ZNF827: variants seen among roughly 807,000 people sequenced by gnomAD.
ZNF827 encodes zinc finger protein 827.
ZNF827 carries 13 observed loss-of-function variants against 102.4 expected under a neutral mutation model. The ratio of observed to expected loss-of-function variants is 0.13; its 90% CI spans 0.08 to 0.20. The LOEUF is 0.20. Ranked by LOEUF, ZNF827 falls within the 10% of genes least tolerant of loss-of-function variation. ZNF827 has a pLI of 1.00. For synonymous variants in ZNF827, 523 were observed against 536.2 expected, an observed-to-expected ratio of 0.98 and a Z score of 0.34; for missense variants, 1,103 against 1,344.4, an observed-to-expected ratio of 0.82 and a Z score of 2.81.
chr4:145,842,384 G>A (rs540666223), intron 7 of ZNF827, among the ~76,000 whole-genome samples: 1 of 152,294 alleles, frequency 6.6e-6, no homozygotes, highest in African/African-American at 2.4e-5. Context: ...GCACACATCC[G>A]TGGACTTCGT....
chr4:145,854,341 G>A (rs1408163825), intron 5 of ZNF827, among the ~76,000 whole-genome samples: 3 of 151,910 alleles, frequency 2.0e-5, no homozygotes, highest in Admixed American at 2.0e-4. Flanking sequence ...ACAGAGTGAG[G>A]TCTGCAAAAG....
Position 145,903,058 on chromosome 4 carries a change from C to G in ZNF827, c.201G>C (p.Pro67=). The change falls in exon 2 of 15, where the codon CCG becomes CCC. Residue 67 remains proline (P), a synonymous_variant. Transcript: ENST00000508784. ...EDRIQEQSTS[P]DTSLGSTTPS... is the part of the protein sequence containing the mutation. The stretch of plus-strand genomic sequence containing the variant: ...GAGTCGTGCTTCCCAAGGAGGTGTC[C>G]GGGGACGTGGACTGCTCCTGGATCC... The G allele has an allele frequency of 6.2e-7, 1 of 1,614,150 alleles. No individual in the cohort carries two copies. Among genetic ancestry groups the G allele is most frequent in the Non-Finnish European group, 8.5e-7 (1 of 1,180,026 alleles).
intron 2 of ZNF827, among the ~76,000 whole-genome samples, chr4:145,897,507 G>A (rs570065100): frequency 3.3e-5 from 5 of 152,172 alleles, no homozygotes; most frequent in African/African-American, 7.2e-5. Flanking sequence ...TAACATTACC[G>A]GTACACATCT....
chr4:145,829,316 A>G (rs1274798371), intron 7 of ZNF827, among the ~76,000 whole-genome samples: 5 of 152,196 alleles, frequency 3.3e-5, no homozygotes, highest in South Asian at 2.1e-4. Context: ...TATTAAATGT[A>G]AGAGTTTCTG....
intron 2 of ZNF827, among the ~76,000 whole-genome samples, chr4:145,894,463 C>T (rs1750827491): frequency 6.6e-6 from 1 of 152,090 alleles, no homozygotes; most frequent in Non-Finnish European, 1.5e-5. Context: ...CAAGAGTATA[C>T]TTTAAAATAA....
chr4:145,936,239 C>G (rs762645323), intron 1 of ZNF827, among the ~76,000 whole-genome samples: 2 of 152,054 alleles, frequency 1.3e-5, no homozygotes, highest in Non-Finnish European at 2.9e-5. Flanking sequence ...GCACACTCTT[C>G]CACCAACTGC....
At position 145,843,686 on chromosome 4, in the gene ZNF827, C is replaced by A. The variant is rs1579349186; in HGVS notation, c.2279+2270G>T. Among the ~76,000 whole-genome samples the A allele has an allele frequency of 2.0e-5, 3 of 152,300 alleles. No individual in the cohort carries two copies. In the East Asian group the frequency reaches 5.8e-4, roughly 29 times the overall value. On this transcript the variant is annotated intron_variant, in intron 7 of 14. Transcript: ENST00000508784. ...GCTAGTGGGGTCCTGCCCAGATCCT[C>A]CCTCTGGCACGAATGCACCTACCCC...
At chr4:145,872,396 C>T (rs539737948) in intron 4 of ZNF827, among the ~76,000 whole-genome samples, 16 of 152,160 alleles carry the variant, frequency 1.1e-4, no homozygotes, top group South Asian at 4.2e-4. Flanking sequence ...AGAAGGCGGC[C>T]GTCTGCAAAA....
At chr4:145,836,888 G>A (rs6847076) in intron 7 of ZNF827, among the ~76,000 whole-genome samples, 76,357 of 151,018 alleles carry the variant, frequency 0.51, 19,657 homozygotes, top group East Asian at 0.71. Flanking sequence ...CTGCTATTCT[G>A]CTACTCCTCA....
At position 145,760,827 on chromosome 4, in the gene ZNF827, G is replaced by A; in HGVS notation, c.*789C>T. ...TCAGTCCGAGATAGGCCAGGAAGGA[G>A]TGTTTGGGTGAGGGGATGCTGGGAG... On this transcript the variant is annotated 3_prime_UTR_variant, in exon 15 of 15. Coordinates refer to ENST00000508784, the MANE Select transcript of ZNF827 (RefSeq NM_001306215.2). The A allele has an allele frequency of 3.3e-6, 4 of 1,199,838 alleles. No homozygotes were observed. Among genetic ancestry groups the A allele is most frequent in the Non-Finnish European group, 4.2e-6 (4 of 945,844 alleles). 74.3% of individuals were successfully genotyped at this position (1,199,838 alleles called of 1,614,324 possible).
intron 1 of ZNF827, among the ~76,000 whole-genome samples, chr4:145,921,323 C>T (rs976678043): frequency 6.6e-5 from 10 of 152,022 alleles, no homozygotes; most frequent in Admixed American, 2.0e-4. Flanking sequence ...GTCTAGAAGT[C>T]CAGACTTTAT....
rs1020028960 is a variant in ZNF827, at chr4:145,824,120, T to C, written c.2280-595A>G. 3.9e-5 allele frequency among the ~76,000 whole-genome samples: 6 copies of C among 152,258 alleles called. No individual in the cohort carries two copies. The East Asian group carries it at 1.2e-3, about 29-fold the overall frequency. ...GAAGGGACCCCAGGGAGCTCCCTCA[T>C]TTAACATGAAAGAGAGGCCCTGACC... On this transcript the variant is annotated intron_variant, in intron 7 of 14. Coordinates refer to ENST00000508784, the MANE Select transcript of ZNF827 (RefSeq NM_001306215.2).
chr4:145,922,739 CT>C (rs1459886643), intron 1 of ZNF827, among the ~76,000 whole-genome samples: 2 of 152,204 alleles, frequency 1.3e-5, no homozygotes, highest in African/African-American at 4.8e-5. Context: ...TTGAACATCA[CT>C]TTTAATTGAA....
At chr4:145,906,513 A>G (rs1751881260) in intron 1 of ZNF827, among the ~76,000 whole-genome samples, 1 of 152,160 alleles carries the variant, frequency 6.6e-6, no homozygotes, top group Non-Finnish European at 1.5e-5. Flanking sequence ...TTAATTTCCT[A>G]ACCCCCTCCA....
At chr4:145,814,998 G>A (rs910344460) in intron 8 of ZNF827, among the ~76,000 whole-genome samples, 6 of 152,072 alleles carry the variant, frequency 3.9e-5, no homozygotes, top group Non-Finnish European at 7.4e-5. Flanking sequence ...CTCACAATCC[G>A]CTTCTGGGGA....
chr4:145,814,895 C>T (rs181595807), intron 8 of ZNF827, among the ~76,000 whole-genome samples: 17 of 151,976 alleles, frequency 1.1e-4, no homozygotes, highest in Middle Eastern at 3.4e-3. Context: ...CAGCTGAGAT[C>T]GTGCCACTGC....
At chr4:145,916,922 G>A (rs992736437) in intron 1 of ZNF827, among the ~76,000 whole-genome samples, 6 of 152,152 alleles carry the variant, frequency 3.9e-5, no homozygotes, top group Non-Finnish European at 8.8e-5. Context: ...TAACAAGGAT[G>A]GCCTTTACTC....
intron 4 of ZNF827, among the ~76,000 whole-genome samples, chr4:145,883,483 T>C (rs1409418008): frequency 6.6e-6 from 1 of 152,208 alleles, no homozygotes; most frequent in African/African-American, 2.4e-5. Context: ...TCTCCCCTCG[T>C]GTCTGCTGCT....
At chr4:145,779,712 C>T (rs1226528212) in intron 8 of ZNF827, among the ~76,000 whole-genome samples, 1 of 152,164 alleles carries the variant, frequency 6.6e-6, no homozygotes, top group Non-Finnish European at 1.5e-5. Context: ...AAGTGGATTC[C>T]GACCCCTGTC....
Sources: allele counts gnomAD v4.1 joint callset (sites outside exome capture counted in the v4.1 genomes callset), GRCh38; gene constraint gnomAD v4.1.1; transcripts MANE v1.5; gene names NCBI Gene and HGNC (gene_info 2026-07-23, HGNC 2026-07-21).